Variants in GPR63 observed in about 807,000 individuals in gnomAD.
The protein encoded by GPR63 is G protein-coupled receptor 63.
A neutral mutation model predicts 23.1 loss-of-function variants in GPR63; 12 were observed. The ratio of observed to expected loss-of-function variants is 0.52; its 90% CI spans 0.33 to 0.84. GPR63 has a LOEUF of 0.84. GPR63 is among the 40% of genes least tolerant of loss of function. The pLI is 0.02. For synonymous variants in GPR63, 172 were observed against 191.1 expected (o/e 0.90, Z 0.82); for missense variants, 472 against 515.6 (o/e 0.92, Z 0.82).
Position 96,799,595 on chromosome 6 carries a change from T to A in GPR63, c.137A>T (p.Tyr46Phe). The A allele has an allele frequency of 6.2e-7, 1 of 1,614,162 alleles. No individual in the cohort carries two copies. Among genetic ancestry groups the A allele is most frequent in the Non-Finnish European group, 8.5e-7 (1 of 1,180,028 alleles). Residue 46 changes from tyrosine (Y) to phenylalanine (F), a missense_variant, in exon 2 of 2, where the codon TAT becomes TTT. Tyr to Phe is a conservative substitution (Grantham distance 22). Transcript: ENST00000229955. ...AGTGGGAGCCATGGTTTCAAAACTA[T>A]ATCTAAGCAATGGACTGAGGTCAGG... ...QHPDLSPLLRYSFETMAPTGL... is the reference protein window; with the variant it reads ...QHPDLSPLLRFSFETMAPTGL...
chr6:96,836,692 T>C (rs144398272), intron 1 of GPR63, among the ~76,000 whole-genome samples: 15 of 152,068 alleles, frequency 9.9e-5, no homozygotes, highest in African/African-American at 3.4e-4. Flanking sequence ...AAGACTGAAA[T>C]CAGGGCGACG....
At chr6:96,819,712 C>T (rs548420812) in intron 1 of GPR63, among the ~76,000 whole-genome samples, 1 of 147,186 alleles carries the variant, frequency 6.8e-6, no homozygotes, top group East Asian at 2.0e-4. Context: ...AAGAAAAACC[C>T]AACTAAATTG....
At chr6:96,818,340 G>C (rs1774215576) in intron 1 of GPR63, among the ~76,000 whole-genome samples, 1 of 152,050 alleles carries the variant, frequency 6.6e-6, no homozygotes. Flanking sequence ...GTTCGTGTCT[G>C]TAATCCCAGC....
chr6:96,820,423 A>G (rs922841580), intron 1 of GPR63, among the ~76,000 whole-genome samples: 1 of 152,174 alleles, frequency 6.6e-6, no homozygotes, highest in Non-Finnish European at 1.5e-5. Context: ...GGATTTTGTT[A>G]TCCCCTAAAG....
At chr6:96,837,234 G>C (rs1288875612) in intron 1 of GPR63, 34 bp downstream of exon 1, 1 of 152,408 alleles carries the variant, frequency 6.6e-6, no homozygotes. Context: ...GCGGGCCGGG[G>C]ATCGCGGGCC....
Position 96,797,149 on chromosome 6 carries a change from TGAGCCTGG to T in GPR63, c.*1315_*1322del, listed in dbSNP as rs1773604282. 6.6e-6 allele frequency: 1 copy of T among 152,136 alleles called. No homozygotes were observed. The highest frequency in any genetic ancestry group is 2.1e-4 in the South Asian group (1 of 4,824). 9.4% of individuals were successfully genotyped at this position (152,136 alleles called of 1,614,324 possible). A position where few individuals can be genotyped will look rare whatever the true frequency, so the allele number is the denominator to read the frequency against. On this transcript the variant is annotated 3_prime_UTR_variant, in exon 2 of 2. Transcript: ENST00000229955. The stretch of plus-strand genomic sequence containing the variant: ...AGGAGGCTGAGACAGGAGGATTACC[TGAGCCTGG>T]GAGGTTGAGGCTACAATGAGCCATG...
At position 96,811,571 on chromosome 6, in the gene GPR63, T is replaced by C. The variant is rs1295490945; in HGVS notation, c.-150-11690A>G. On this transcript the variant is annotated intron_variant, in intron 1 of 1. Transcript: ENST00000229955. ...CTTAGCCAACAAGAATTTCACTTGG[T>C]CCTACCTTCATTCCTATCTTTCCTC... Among the ~76,000 whole-genome samples the C allele has an allele frequency of 5.9e-5, 9 of 152,180 alleles. No homozygotes were observed. In the East Asian group the frequency reaches 1.7e-3, roughly 29 times the overall value.
intron 1 of GPR63, among the ~76,000 whole-genome samples, chr6:96,827,572 A>G (rs991129434): frequency 2.6e-5 from 4 of 152,148 alleles, no homozygotes; most frequent in African/African-American, 9.7e-5. Context: ...AAAACATCAG[A>G]TCAAAAATTC....
chr6:96,835,470 C>T (rs574764474), intron 1 of GPR63, among the ~76,000 whole-genome samples: 10 of 152,108 alleles, frequency 6.6e-5, no homozygotes, highest in African/African-American at 2.4e-4. Flanking sequence ...AACAATCAAC[C>T]CAAATTAAAT....
At chr6:96,818,669 T>A (rs907224589) in intron 1 of GPR63, among the ~76,000 whole-genome samples, 2 of 152,220 alleles carry the variant, frequency 1.3e-5, no homozygotes, top group East Asian at 3.8e-4. Context: ...GTTCCCACTA[T>A]GTTTTGAAAT....
chr6:96,805,004 T>C (rs1773860718), intron 1 of GPR63, among the ~76,000 whole-genome samples: 1 of 152,200 alleles, frequency 6.6e-6, no homozygotes, highest in South Asian at 2.1e-4. Context: ...GCTGTTTGGA[T>C]ATTTTTTGTT....
chr6:96,800,103 T>C (rs1412489381), intron 1 of GPR63, among the ~76,000 whole-genome samples: 1 of 152,224 alleles, frequency 6.6e-6, no homozygotes, highest in Non-Finnish European at 1.5e-5. Flanking sequence ...AAAGCAAAAG[T>C]GCGAGGAATC....
At chr6:96,815,210 T>C (rs910185248) in intron 1 of GPR63, among the ~76,000 whole-genome samples, 1 of 152,222 alleles carries the variant, frequency 6.6e-6, no homozygotes, top group Non-Finnish European at 1.5e-5. Context: ...CCAAGACATA[T>C]AATTCTCCTT....
At chr6:96,824,432 A>G (rs1412484152) in intron 1 of GPR63, among the ~76,000 whole-genome samples, 1 of 151,934 alleles carries the variant, frequency 6.6e-6, no homozygotes, top group African/African-American at 2.4e-5. Flanking sequence ...CATTTCTACT[A>G]TTTCTAAATT....
chr6:96,799,753 G>C lies in GPR63; in HGVS notation c.-22C>G, dbSNP rs202190225. The C allele has an allele frequency of 6.0e-4, 967 of 1,613,704 alleles. 1 individual carries two copies. The highest frequency in any genetic ancestry group is 1.6e-3 in the Admixed American group (97 of 60,024). On this transcript the variant is annotated 5_prime_UTR_variant, in exon 2 of 2. Coordinates refer to ENST00000229955, the MANE Select transcript of GPR63 (RefSeq NM_030784.4). ...CCATGGTTTCAGTAGGATGGAAGAT[G>C]CAAGCAGAGATGCAGGAGTTCTTCA...
intron 1 of GPR63, among the ~76,000 whole-genome samples, chr6:96,824,593 CAAA>C (rs1183157086): frequency 4.5e-5 from 2 of 44,644 alleles, no homozygotes; most frequent in East Asian, 1.3e-3. Context: ...TACGCCTTAG[CAAA>C]AAAAAAAAAA....
chr6:96,825,194 T>C (rs1325872022), intron 1 of GPR63, among the ~76,000 whole-genome samples: 1 of 152,120 alleles, frequency 6.6e-6, no homozygotes, highest in African/African-American at 2.4e-5. Context: ...GTATACTCAA[T>C]ATATATTCAA....
Position 96,796,421 on chromosome 6 carries a change from A to C in GPR63, c.*2051T>G, listed in dbSNP as rs1278286645. The C allele has an allele frequency of 6.6e-6, 1 of 152,178 alleles. No individual in the cohort carries two copies. Among genetic ancestry groups the C allele is most frequent in the Non-Finnish European group, 1.5e-5 (1 of 68,022 alleles). 9.4% of individuals were successfully genotyped at this position (152,178 alleles called of 1,614,324 possible). ...TCCTGAAAAGATGCTATAAATCCACAGTTAACTTACTTAATTAGTCAATGA... is the reference window on the plus strand; with the variant it reads ...TCCTGAAAAGATGCTATAAATCCACCGTTAACTTACTTAATTAGTCAATGA... On this transcript the variant is annotated 3_prime_UTR_variant, in exon 2 of 2. Transcript: ENST00000229955.
At chr6:96,808,092 T>C (rs541040783) in intron 1 of GPR63, among the ~76,000 whole-genome samples, 39 of 152,316 alleles carry the variant, frequency 2.6e-4, no homozygotes, top group African/African-American at 9.1e-4. Flanking sequence ...ACATATCACA[T>C]GTATGTTTTC....
Sources: allele counts gnomAD v4.1 joint callset (sites outside exome capture counted in the v4.1 genomes callset), GRCh38; gene constraint gnomAD v4.1.1; transcripts MANE v1.5; gene names NCBI Gene and HGNC (gene_info 2026-07-23, HGNC 2026-07-21).